Variants in CNTNAP2 observed in about 807,000 individuals in gnomAD.
CNTNAP2 encodes the protein contactin-associated protein-like 2.
CNTNAP2 carries 98 observed loss-of-function variants against 155.2 expected under a neutral mutation model. The ratio of observed to expected loss-of-function variants is 0.63; its 90% CI spans 0.54 to 0.75. The LOEUF is 0.75. CNTNAP2 is among the 30% of genes least tolerant of loss of function. CNTNAP2 has a pLI of 0.00. For missense variants in CNTNAP2, 1,727 were observed against 1,688.1 expected, an observed-to-expected ratio of 1.02 and a Z score of -0.40; for synonymous variants, 651 against 631.2, an observed-to-expected ratio of 1.03 and a Z score of -0.47.
At chr7:147,372,677 C>T (rs888108347) in intron 9 of CNTNAP2, among the ~76,000 whole-genome samples, 3 of 152,058 alleles carry the variant, frequency 2.0e-5, no homozygotes. Context: ...TACTAAGAGA[C>T]CTTGTCTCCC....
chr7:146,846,311 GA>G (rs1238247224), intron 3 of CNTNAP2, among the ~76,000 whole-genome samples: 2 of 142,876 alleles, frequency 1.4e-5, no homozygotes, highest in African/African-American at 5.2e-5. Context: ...AGCTTATTGA[GA>G]AATAAAACAC....
intron 15 of CNTNAP2, among the ~76,000 whole-genome samples, chr7:148,083,330 G>T (rs983773191): frequency 2.0e-5 from 3 of 152,296 alleles, no homozygotes; most frequent in Admixed American, 2.0e-4. Flanking sequence ...AATGACATAA[G>T]GTTGCAGAGT....
At chr7:146,842,625 G>C (rs1017706790) in intron 3 of CNTNAP2, among the ~76,000 whole-genome samples, 2 of 152,226 alleles carry the variant, frequency 1.3e-5, no homozygotes, top group African/African-American at 4.8e-5. Flanking sequence ...AGAAGGCAAA[G>C]GGGAGGCAGG....
At chr7:147,333,633 G>A (rs184372864) in intron 9 of CNTNAP2, among the ~76,000 whole-genome samples, 7 of 152,172 alleles carry the variant, frequency 4.6e-5, no homozygotes, top group African/African-American at 1.7e-4. Context: ...CTAGAAATAA[G>A]TACATTGGGA....
At chr7:146,287,439 A>G (rs1045824608) in intron 1 of CNTNAP2, among the ~76,000 whole-genome samples, 1 of 152,104 alleles carries the variant, frequency 6.6e-6, no homozygotes, top group African/African-American at 2.4e-5. Context: ...TGTAGGGGCA[A>G]CTTCTCCTTA....
intron 14 of CNTNAP2, among the ~76,000 whole-genome samples, chr7:147,942,149 A>G (rs1472184248): frequency 6.6e-6 from 1 of 152,182 alleles, no homozygotes; most frequent in African/African-American, 2.4e-5. Flanking sequence ...CAGGTCTAGA[A>G]AAGTGGTGCT....
chr7:147,417,744 A>C (rs766812218), intron 10 of CNTNAP2, among the ~76,000 whole-genome samples: 4 of 152,214 alleles, frequency 2.6e-5, no homozygotes, highest in Non-Finnish European at 5.9e-5. Context: ...GCAACACCAA[A>C]ATTTTATAAG....
chr7:147,064,113 C>A (rs1194868400), intron 4 of CNTNAP2, among the ~76,000 whole-genome samples: 1 of 151,956 alleles, frequency 6.6e-6, no homozygotes, highest in Non-Finnish European at 1.5e-5. Flanking sequence ...ACTTCATAAG[C>A]CTTTTGAAAT....
intron 1 of CNTNAP2, among the ~76,000 whole-genome samples, chr7:146,437,094 A>G (rs1796254608): frequency 6.6e-6 from 1 of 151,382 alleles, no homozygotes; most frequent in Non-Finnish European, 1.5e-5. Context: ...CCCTTTAGAT[A>G]GCGTTGGCGT....
At chr7:147,562,079 T>G in intron 11 of CNTNAP2, 59 bp from the exon 12 acceptor site, 2 of 1,611,452 alleles carry the variant, frequency 1.2e-6, no homozygotes, top group South Asian at 2.2e-5. Flanking sequence ...ACTGGGACAT[T>G]TATCTGGGGA....
chr7:147,149,386 A>C (rs1398328947), intron 8 of CNTNAP2, among the ~76,000 whole-genome samples: 1 of 152,210 alleles, frequency 6.6e-6, no homozygotes, highest in African/African-American at 2.4e-5. Context: ...CTAGCTAGAC[A>C]GAAAAGTTCC....
At chr7:146,393,621 C>G (rs1486092555) in intron 1 of CNTNAP2, among the ~76,000 whole-genome samples, 2 of 152,120 alleles carry the variant, frequency 1.3e-5, no homozygotes, top group Non-Finnish European at 2.9e-5. Context: ...ATGGGTAGAT[C>G]CTCCACTGGA....
chr7:146,219,018 G>T (rs921736900), intron 1 of CNTNAP2, among the ~76,000 whole-genome samples: 3 of 152,184 alleles, frequency 2.0e-5, no homozygotes, highest in African/African-American at 7.2e-5. Flanking sequence ...GGTCCACATG[G>T]TTGGGGAGGC....
intron 3 of CNTNAP2, among the ~76,000 whole-genome samples, chr7:146,977,800 G>A (rs1157571756): frequency 6.6e-6 from 1 of 152,148 alleles, no homozygotes; most frequent in African/African-American, 2.4e-5. Flanking sequence ...CCTTTGCGCT[G>A]TCTGAGTTTT....
intron 1 of CNTNAP2, among the ~76,000 whole-genome samples, chr7:146,693,932 G>T (rs1405281874): frequency 6.7e-6 from 1 of 150,304 alleles, no homozygotes; most frequent in Non-Finnish European, 1.5e-5. Flanking sequence ...TCCCCTCCCT[G>T]TGCCCATGCG....
At chr7:147,259,051 T>G (rs1804397340) in intron 8 of CNTNAP2, among the ~76,000 whole-genome samples, 1 of 152,208 alleles carries the variant, frequency 6.6e-6, no homozygotes, top group South Asian at 2.1e-4. Context: ...CATAACTATA[T>G]TTTAAGTCAG....
intron 1 of CNTNAP2, among the ~76,000 whole-genome samples, chr7:146,649,622 C>T (rs531398066): frequency 1.2e-3 from 180 of 152,180 alleles, no homozygotes; most frequent in African/African-American, 4.1e-3. Flanking sequence ...ATTAAATAGA[C>T]TCATTTAAAA....
intron 1 of CNTNAP2, among the ~76,000 whole-genome samples, chr7:146,610,452 T>C (rs1217547234): frequency 6.6e-6 from 1 of 152,150 alleles, no homozygotes; most frequent in Non-Finnish European, 1.5e-5. Flanking sequence ...TGCAATGGGA[T>C]AATGCTAAAA....
intron 1 of CNTNAP2, among the ~76,000 whole-genome samples, chr7:146,581,752 C>T (rs1231751298): frequency 6.6e-6 from 1 of 151,864 alleles, no homozygotes; most frequent in Admixed American, 6.6e-5. Flanking sequence ...TTTTAAGCTA[C>T]TTTAATCATA....
Sources: gnomAD v4.1 joint callset for allele counts (sites outside exome capture counted in the v4.1 genomes callset) on GRCh38, gnomAD v4.1.1 for gene constraint, MANE v1.5 for transcripts, NCBI Gene and HGNC (gene_info 2026-07-23, HGNC 2026-07-21) for gene names.